The following ASTN2 variants were observed in gnomAD, a reference collection of about 807,000 sequenced individuals.
ASTN2 encodes astrotactin-2.
Under a neutral mutation model 139.8 loss-of-function variants are expected in ASTN2, and 54 were observed. The observed-to-expected ratio is 0.39, with a 90% CI of 0.31 to 0.48. The LOEUF (loss-of-function observed/expected upper bound fraction) is 0.48. ASTN2 is among the 20% of genes least tolerant of loss of function. The probability of loss-of-function intolerance (pLI) is 0.95; values close to 1 mark genes in which losing one functional copy is unlikely to be tolerated. For synonymous variants in ASTN2, 756 were observed against 719.5 expected, an observed-to-expected ratio of 1.05 and a Z score of -0.81; for missense variants, 1,565 against 1,725.1, an observed-to-expected ratio of 0.91 and a Z score of 1.64.
rs886394719 is a variant in ASTN2, at chr9:116,854,564, T to A, written c.2040+9019A>T. Among the ~76,000 whole-genome samples the A allele has an allele frequency of 6.3e-4, 96 of 151,834 alleles. 3 individuals are homozygous for A. The highest frequency in any genetic ancestry group is 4.4e-5 in the Non-Finnish European group (3 of 67,978). On this transcript the variant is annotated intron_variant, in intron 11 of 22. Coordinates refer to ENST00000313400, the MANE Select transcript of ASTN2 (RefSeq NM_001365068.1). ...TAGTGGGAGATGGTAGTGGGAGCAG[T>A]GATTTATGCAGGGCTTGCAGACAAC... is the stretch of plus-strand genomic sequence containing the variant.
chr9:117,161,205 G>A (rs924749075), intron 3 of ASTN2, among the ~76,000 whole-genome samples: 4 of 151,912 alleles, frequency 2.6e-5, no homozygotes, highest in African/African-American at 9.7e-5. Context: ...CAGTGGTAGT[G>A]GTAATGATGA....
intron 10 of ASTN2, among the ~76,000 whole-genome samples, chr9:116,871,450 A>G (rs1228337429): frequency 6.6e-6 from 1 of 152,174 alleles, no homozygotes; most frequent in Non-Finnish European, 1.5e-5. Flanking sequence ...CCCTGCCTCT[A>G]TCATAAGTCC....
chr9:116,430,422 T>A (rs1272931974), intron 22 of ASTN2, among the ~76,000 whole-genome samples: 1 of 152,182 alleles, frequency 6.6e-6, no homozygotes, highest in Non-Finnish European at 1.5e-5. Context: ...CATGAGCAAA[T>A]TATTCAATGC....
chr9:117,222,974 C>T (rs1306326584), intron 2 of ASTN2, among the ~76,000 whole-genome samples: 1 of 152,076 alleles, frequency 6.6e-6, no homozygotes, highest in Admixed American at 6.6e-5. Context: ...GGGGCAATTC[C>T]CAATAAACCA....
At chr9:116,620,180 G>A in intron 18 of ASTN2, 130 bp downstream of exon 18, 2 of 1,311,480 alleles carry the variant, frequency 1.5e-6, no homozygotes, top group Non-Finnish European at 1.0e-6. Context: ...AAAGGAGGTA[G>A]ATTCCAGGGT....
intron 4 of ASTN2, among the ~76,000 whole-genome samples, chr9:117,136,420 C>T (rs1829952025): frequency 6.6e-6 from 1 of 152,106 alleles, no homozygotes; most frequent in African/African-American, 2.4e-5. Context: ...AAAAGATGAA[C>T]CTGAAATGTG....
At chr9:116,596,026 C>G (rs1854557805) in intron 19 of ASTN2, among the ~76,000 whole-genome samples, 1 of 152,094 alleles carries the variant, frequency 6.6e-6, no homozygotes, top group African/African-American at 2.4e-5. Flanking sequence ...GAGAAATAAC[C>G]CAAGTGTGCA....
chr9:117,171,518 C>T (rs1564460249), intron 3 of ASTN2, among the ~76,000 whole-genome samples: 1 of 151,980 alleles, frequency 6.6e-6, no homozygotes, highest in African/African-American at 2.4e-5. Flanking sequence ...TGGCTGTGTC[C>T]CCACCCAAAT....
At chr9:116,655,798 C>A (rs568719855) in intron 16 of ASTN2, among the ~76,000 whole-genome samples, 5 of 152,264 alleles carry the variant, frequency 3.3e-5, no homozygotes, top group African/African-American at 4.8e-5. Flanking sequence ...TTAAGCAATC[C>A]CCCCACCTCA....
intron 13 of ASTN2, among the ~76,000 whole-genome samples, chr9:116,753,198 A>G (rs988213220): frequency 1.3e-5 from 2 of 152,248 alleles, no homozygotes; most frequent in African/African-American, 4.8e-5. Flanking sequence ...TCTAGCCACA[A>G]GAAGACATGG....
At chr9:116,875,926 T>C (rs1428456822) in intron 10 of ASTN2, among the ~76,000 whole-genome samples, 1 of 152,252 alleles carries the variant, frequency 6.6e-6, no homozygotes, top group African/African-American at 2.4e-5. Context: ...AGGTTAATGT[T>C]GTTTTCATGC....
chr9:116,496,150 A>C (rs555293174), intron 19 of ASTN2, among the ~76,000 whole-genome samples: 11 of 152,294 alleles, frequency 7.2e-5, no homozygotes, highest in Admixed American at 3.9e-4. Context: ...TTATCTTTAC[A>C]AAATTTATCA....
intron 10 of ASTN2, among the ~76,000 whole-genome samples, chr9:116,955,510 C>T (rs1367911867): frequency 2.6e-5 from 4 of 152,222 alleles, no homozygotes; most frequent in Non-Finnish European, 5.9e-5. Flanking sequence ...CCTGTTCACC[C>T]TTCTGGGCAC....
chr9:117,342,677 A>G (rs1829097451), intron 1 of ASTN2, among the ~76,000 whole-genome samples: 1 of 152,140 alleles, frequency 6.6e-6, no homozygotes, highest in Non-Finnish European at 1.5e-5. Context: ...CTGACTTAAC[A>G]CGCAATATTA....
At chr9:117,008,052 T>C (rs748230961) in intron 7 of ASTN2, 40 bp downstream of exon 7, 2 of 1,507,562 alleles carry the variant, frequency 1.3e-6, no homozygotes, top group South Asian at 1.4e-5. Flanking sequence ...CAACCCAGCC[T>C]CTCCCACCTT....
chr9:116,631,580 A>G (rs76552388), intron 17 of ASTN2, among the ~76,000 whole-genome samples: 47 of 141,112 alleles, frequency 3.3e-4, no homozygotes, highest in Admixed American at 3.1e-3. Context: ...AGAGAGAGAG[A>G]GGGGGATGAA....
At chr9:117,171,716 G>A (rs1322645686) in intron 3 of ASTN2, among the ~76,000 whole-genome samples, 1 of 151,982 alleles carries the variant, frequency 6.6e-6, no homozygotes, top group South Asian at 2.1e-4. Context: ...TGAAGAAGGT[G>A]CTTGCTCCTT....
chr9:116,717,646 A>G (rs1203529465), intron 16 of ASTN2, among the ~76,000 whole-genome samples: 3 of 152,170 alleles, frequency 2.0e-5, no homozygotes, highest in Non-Finnish European at 4.4e-5. Context: ...ACCTAGGATA[A>G]AATTAAGGAG....
chr9:116,434,278 C>T (rs1445226661), intron 22 of ASTN2, among the ~76,000 whole-genome samples: 1 of 152,120 alleles, frequency 6.6e-6, no homozygotes, highest in Non-Finnish European at 1.5e-5. Flanking sequence ...TTAAAAGTAC[C>T]TCTGAGATTA....
Sources: gnomAD v4.1 joint callset for allele counts (sites outside exome capture counted in the v4.1 genomes callset) on GRCh38, gnomAD v4.1.1 for gene constraint, MANE v1.5 for transcripts, NCBI Gene and HGNC (gene_info 2026-07-23, HGNC 2026-07-21) for gene names.